Variants in MED12L observed in about 807,000 individuals in gnomAD.
MED12L encodes mediator of RNA polymerase II transcription subunit 12-like protein.
MED12L carries 60 observed loss-of-function variants against 281.3 expected under a neutral mutation model. The ratio of observed to expected loss-of-function variants is 0.21; its 90% confidence interval spans 0.17 to 0.26. MED12L has a LOEUF of 0.26. Among genes scored for constraint, MED12L ranks in the 10% least tolerant of loss-of-function variants. The pLI is 1.00. For missense variants in MED12L, 2,146 were observed against 2,680.9 expected, an observed-to-expected ratio of 0.80 and a Z score of 4.41; for synonymous variants, 974 against 987.2, an observed-to-expected ratio of 0.99 and a Z score of 0.25.
At chr3:151,263,449 T>C (rs1046832640) in intron 16 of MED12L, among the ~76,000 whole-genome samples, 2 of 152,248 alleles carry the variant, frequency 1.3e-5, no homozygotes, top group Non-Finnish European at 2.9e-5. Flanking sequence ...CATAAGTCAC[T>C]GAGCCTTTAA....
chr3:151,132,680 A>G (rs796271560), intron 5 of MED12L, among the ~76,000 whole-genome samples: 16 of 152,234 alleles, frequency 1.1e-4, no homozygotes, highest in African/African-American at 3.6e-4. Context: ...TCCTTTCTCT[A>G]TATTCTTATA....
intron 11 of MED12L, among the ~76,000 whole-genome samples, chr3:151,171,220 C>T (rs1014490011): frequency 6.6e-6 from 1 of 152,136 alleles, no homozygotes; most frequent in Non-Finnish European, 1.5e-5. Flanking sequence ...CAGTGGGACC[C>T]CTGGTTTCCA....
In MED12L at chr3:151,358,780, C is replaced by T. The variant is rs895870068; in HGVS notation, c.2825+1404C>T. The stretch of plus-strand genomic sequence containing the variant: ...CTTATGTGAACAGTACACTGGATTA[C>T]GATGTGAAATGTTTTTCTTATTGCT... On this transcript the variant is annotated intron_variant, in intron 20 of 44. Coordinates refer to ENST00000687756, the MANE Select transcript of MED12L (RefSeq NM_001393769.1). Among the ~76,000 whole-genome samples, 7 of 152,192 alleles carry T rather than the reference C, an allele frequency of 4.6e-5. No individual in the cohort carries two copies. The South Asian group carries it at 1.2e-3, about 27-fold the overall frequency.
intron 16 of MED12L, among the ~76,000 whole-genome samples, chr3:151,346,860 C>T (rs1352897754): frequency 6.6e-6 from 1 of 152,060 alleles, no homozygotes; most frequent in African/African-American, 2.4e-5. Flanking sequence ...TTCTACCTAC[C>T]CTTCAAATTC....
intron 16 of MED12L, among the ~76,000 whole-genome samples, chr3:151,349,577 C>T (rs1018699532): frequency 1.3e-5 from 2 of 149,448 alleles, no homozygotes; most frequent in African/African-American, 2.6e-5. Flanking sequence ...AGCCACTGCA[C>T]CCTGTCCAGG....
At chr3:151,123,937 G>T (rs996468991) in intron 4 of MED12L, among the ~76,000 whole-genome samples, 1 of 152,204 alleles carries the variant, frequency 6.6e-6, no homozygotes, top group African/African-American at 2.4e-5. Flanking sequence ...AATCTTGGAA[G>T]AGTGTAACAG....
intron 36 of MED12L, among the ~76,000 whole-genome samples, 189 bp from the exon 37 acceptor site, chr3:151,387,621 C>T (rs988535912): frequency 7.2e-5 from 11 of 152,128 alleles, no homozygotes; most frequent in Non-Finnish European, 1.5e-4. Context: ...TAGAACCGGG[C>T]TTACAAAGGT....
At chr3:151,220,275 A>G (rs1729086042) in intron 16 of MED12L, among the ~76,000 whole-genome samples, 1 of 151,940 alleles carries the variant, frequency 6.6e-6, no homozygotes, top group South Asian at 2.1e-4. Flanking sequence ...CCTGAAAGCC[A>G]TGTGGTCTGA....
chr3:151,295,266 C>T (rs1744934701), intron 16 of MED12L: 4 of 1,229,710 alleles, frequency 3.3e-6, no homozygotes, highest in Middle Eastern at 2.4e-4. Context: ...TGCCCACAGG[C>T]TACTAGGTTC....
Position 151,436,286 on chromosome 3 carries a change from AG to A in MED12L, c.*3483del, listed in dbSNP as rs1253536300. 6.6e-4 allele frequency: 105 copies of A among 158,590 alleles called. 1 individual carries two copies. The highest frequency in any genetic ancestry group is 2.3e-3 in the African/African-American group (95 of 41,608). The allele number at this position is 158,590 out of a possible 1,614,324, so 9.8% of individuals were successfully genotyped here. ...GGTAAATTTACATCATAAAGATTGC[AG>A]ATTTAATATTTTCCATTGTCTCTGT... On this transcript the variant is annotated 3_prime_UTR_variant, in exon 45 of 45. Coordinates refer to ENST00000687756, the MANE Select transcript of MED12L (RefSeq NM_001393769.1).
chr3:151,227,139 C>T (rs1300267089), intron 16 of MED12L, among the ~76,000 whole-genome samples: 1 of 152,206 alleles, frequency 6.6e-6, no homozygotes, highest in Non-Finnish European at 1.5e-5. Context: ...AGGTCAGTGA[C>T]CAACATGTGT....
At chr3:151,306,146 GT>G (rs1553774321) in intron 16 of MED12L, among the ~76,000 whole-genome samples, 1 of 152,112 alleles carries the variant, frequency 6.6e-6, no homozygotes, top group Non-Finnish European at 1.5e-5. Context: ...ATCCCCAATT[GT>G]TCTACTTTGA....
chr3:151,416,517 G>A (rs923935332), intron 43 of MED12L, 95 bp downstream of exon 43: 10 of 1,351,778 alleles, frequency 7.4e-6, no homozygotes, highest in African/African-American at 7.3e-5. Flanking sequence ...AATCGACAAA[G>A]CCTAAGTATA....
intron 2 of MED12L, among the ~76,000 whole-genome samples, chr3:151,096,485 C>G (rs1436509463): frequency 6.6e-6 from 1 of 150,856 alleles, no homozygotes; most frequent in East Asian, 2.0e-4. Flanking sequence ...GCAGTGGCAT[C>G]TTGTCCATTA....
intron 11 of MED12L, among the ~76,000 whole-genome samples, chr3:151,167,427 G>A (rs1424025565): frequency 6.6e-6 from 1 of 152,176 alleles, no homozygotes; most frequent in African/African-American, 2.4e-5. Context: ...ATTTCAACTG[G>A]CTTTTGGGAA....
At chr3:151,104,675 A>G (rs777101365) in intron 2 of MED12L, among the ~76,000 whole-genome samples, 4 of 152,160 alleles carry the variant, frequency 2.6e-5, no homozygotes, top group Non-Finnish European at 5.9e-5. Flanking sequence ...ATGAAGTACC[A>G]AACATTTGGT....
chr3:151,245,634 C>G (rs1438377481), intron 16 of MED12L, among the ~76,000 whole-genome samples: 3 of 142,252 alleles, frequency 2.1e-5, no homozygotes, highest in African/African-American at 5.2e-5. Flanking sequence ...ATAATAAGAG[C>G]TATCTATGAC....
At chr3:151,369,679 A>G in intron 26 of MED12L, 130 bp downstream of exon 26, 4 of 582,608 alleles carry the variant, frequency 6.9e-6, no homozygotes, top group Non-Finnish European at 1.2e-5. Flanking sequence ...TCTCCTGGAA[A>G]AATTAGTGGT....
At chr3:151,294,343 GA>G in intron 16 of MED12L, 1 of 1,614,092 alleles carries the variant, frequency 6.2e-7, no homozygotes, top group Non-Finnish European at 8.5e-7. Context: ...ACGCAGACAA[GA>G]AAAGTGTAAT....
Sources: allele counts gnomAD v4.1 joint callset (sites outside exome capture counted in the v4.1 genomes callset), GRCh38; gene constraint gnomAD v4.1.1; transcripts MANE v1.5; gene names NCBI Gene and HGNC (gene_info 2026-07-23, HGNC 2026-07-21).